Variants in RNF121 observed in about 807,000 individuals in gnomAD.
RNF121 encodes the protein E3 ubiquitin ligase RNF121.
In RNF121, 21 loss-of-function variants were observed where a neutral mutation model predicts 46.5. That is an observed-to-expected ratio of 0.45 (90% CI 0.32 to 0.65). The LOEUF (loss-of-function observed/expected upper bound fraction) is 0.65, where lower values mean the gene tolerates loss of function less well. RNF121 is among the 30% of genes least tolerant of loss of function. RNF121 has a pLI of 0.04. For synonymous variants in RNF121, 139 were observed against 144.7 expected (o/e 0.96, Z 0.28); for missense variants, 346 against 416.0 (o/e 0.83, Z 1.46).
intron 3 of RNF121, among the ~76,000 whole-genome samples, chr11:71,973,506 G>T (rs933649826): frequency 1.3e-5 from 2 of 151,968 alleles, no homozygotes; most frequent in African/African-American, 4.8e-5. Context: ...CAAAAAACAG[G>T]CCGGGCGCGG....
intron 1 of RNF121, among the ~76,000 whole-genome samples, chr11:71,947,762 G>A (rs1033709984): frequency 1.2e-4 from 18 of 152,318 alleles, no homozygotes; most frequent in African/African-American, 4.3e-4. Flanking sequence ...ATGCAATCAG[G>A]TGTGTGTCTA....
intron 3 of RNF121, among the ~76,000 whole-genome samples, chr11:71,962,826 G>C (rs1954168796): frequency 1.3e-5 from 2 of 152,184 alleles, no homozygotes; most frequent in South Asian, 4.1e-4. Context: ...AACGTGGGTT[G>C]GGTTTTCATT....
intron 2 of RNF121, among the ~76,000 whole-genome samples, chr11:71,958,109 C>T (rs1279315598): frequency 6.6e-6 from 1 of 152,162 alleles, no homozygotes; most frequent in African/African-American, 2.4e-5. Context: ...AATATGCTGT[C>T]TGCTGTAAGA....
intron 5 of RNF121, among the ~76,000 whole-genome samples, chr11:71,990,371 A>C (rs931605812): frequency 6.6e-6 from 1 of 152,224 alleles, no homozygotes; most frequent in African/African-American, 2.4e-5. Context: ...AGGAGGGGAT[A>C]CTGTAGCTTG....
intron 1 of RNF121, among the ~76,000 whole-genome samples, chr11:71,949,862 C>T (rs1259427219): frequency 6.6e-6 from 1 of 151,102 alleles, no homozygotes; most frequent in Non-Finnish European, 1.5e-5. Context: ...ATTAGCTGGG[C>T]GTGGTGGCAC....
intron 3 of RNF121, among the ~76,000 whole-genome samples, chr11:71,968,409 G>T (rs1954339352): frequency 6.6e-6 from 1 of 152,072 alleles, no homozygotes; most frequent in East Asian, 1.9e-4. Context: ...TTGCTATTCT[G>T]TTTGGATGGC....
At chr11:71,959,838 G>C in intron 2 of RNF121, among the ~76,000 whole-genome samples, 1 of 152,094 alleles carries the variant, frequency 6.6e-6, no homozygotes, top group East Asian at 1.9e-4. Flanking sequence ...GTTTCGCCAT[G>C]TTGGCCAGGC....
intron 3 of RNF121, among the ~76,000 whole-genome samples, 159 bp from the exon 4 acceptor site, chr11:71,982,602 C>G (rs562483144): frequency 3.3e-4 from 51 of 152,262 alleles, no homozygotes; most frequent in African/African-American, 1.2e-3. Flanking sequence ...AAATATGGTC[C>G]TAAGTCTCTG....
chr11:71,970,379 T>C (rs1954394254), intron 3 of RNF121, among the ~76,000 whole-genome samples: 1 of 152,196 alleles, frequency 6.6e-6, no homozygotes, highest in Non-Finnish European at 1.5e-5. Context: ...AAAGTAGTTT[T>C]GGTTGACACA....
intron 2 of RNF121, 102 bp from the exon 3 acceptor site, chr11:71,960,648 A>C: frequency 3.0e-6 from 4 of 1,317,006 alleles, no homozygotes; most frequent in South Asian, 1.4e-5. Context: ...GAAGCAGGGA[A>C]TGTGTTCTGA....
chr11:71,972,364 T>C (rs1447372351), intron 3 of RNF121, among the ~76,000 whole-genome samples: 1 of 152,186 alleles, frequency 6.6e-6, no homozygotes, highest in African/African-American at 2.4e-5. Context: ...CCATTAGAGC[T>C]TTTAAAAAAA....
At chr11:71,976,154 T>G (rs1336613920) in intron 3 of RNF121, among the ~76,000 whole-genome samples, 1 of 152,108 alleles carries the variant, frequency 6.6e-6, no homozygotes, top group Non-Finnish European at 1.5e-5. Context: ...CAGTTGTTCC[T>G]TATGTGATTT....
intron 1 of RNF121, among the ~76,000 whole-genome samples, chr11:71,935,851 T>TC (rs1202169396): frequency 6.0e-4 from 87 of 144,780 alleles, no homozygotes; most frequent in African/African-American, 1.9e-3. Flanking sequence ...TTTTTCTTTT[T>TC]TTTTTTTTTT....
intron 3 of RNF121, chr11:71,978,331 C>A: frequency 4.2e-6 from 1 of 239,154 alleles, no homozygotes; most frequent in Non-Finnish European, 8.7e-6. Context: ...CCAGCAGCTG[C>A]TTTCTAGGCC....
intron 1 of RNF121, chr11:71,939,184 G>T: frequency 6.1e-6 from 1 of 163,004 alleles, no homozygotes; most frequent in Non-Finnish European, 1.3e-5. Flanking sequence ...GATTACAGGT[G>T]TGAGCCACTG....
rs774032448 is a variant in RNF121, at chr11:71,997,495, A to G, written c.*1180A>G. On this transcript the variant is annotated 3_prime_UTR_variant, in exon 9 of 9. Transcript: ENST00000361756. ...GCCTTCGGCATTGGGTTTCTAGGGA[A>G]TATGGCTCAGTAGGGCCTGCCCCTT... 1 of 152,246 alleles carries G rather than the reference A, an allele frequency of 6.6e-6. No individual in the cohort carries two copies. Among genetic ancestry groups the G allele is most frequent in the African/African-American group, 2.4e-5 (1 of 41,450 alleles). The allele number at this position is 152,246 out of a possible 1,614,324, so 9.4% of individuals were successfully genotyped here. A position where few individuals can be genotyped will look rare whatever the true frequency, so the allele number is the denominator to read the frequency against.
intron 1 of RNF121, among the ~76,000 whole-genome samples, chr11:71,954,479 CA>C (rs1485849341): frequency 6.6e-6 from 1 of 152,156 alleles, no homozygotes; most frequent in African/African-American, 2.4e-5. Context: ...CACCAACATT[CA>C]ATTATCTCTG....
chr11:71,974,823 A>G (rs531989760), intron 3 of RNF121, among the ~76,000 whole-genome samples: 2 of 152,322 alleles, frequency 1.3e-5, no homozygotes, highest in African/African-American at 2.4e-5. Flanking sequence ...AACTCAGTGA[A>G]TGATGATTGG....
chr11:71,964,546 G>C (rs547557479), intron 3 of RNF121, among the ~76,000 whole-genome samples: 1 of 151,286 alleles, frequency 6.6e-6, no homozygotes, highest in Non-Finnish European at 1.5e-5. Context: ...TGGCGATTTC[G>C]GCTCACTGCA....
Sources: gnomAD v4.1 joint callset for allele counts (sites outside exome capture counted in the v4.1 genomes callset) on GRCh38, gnomAD v4.1.1 for gene constraint, MANE v1.5 for transcripts, NCBI Gene and HGNC (gene_info 2026-07-23, HGNC 2026-07-21) for gene names.